TPCN1: variants seen among roughly 807,000 people sequenced by gnomAD.
TPCN1 encodes the protein two pore channel protein 1.
Under a neutral mutation model 108.8 loss-of-function variants are expected in TPCN1, and 52 were observed. The observed-to-expected ratio is 0.48, with a 90% CI of 0.38 to 0.60. TPCN1 has a LOEUF of 0.60. Ranked by LOEUF, TPCN1 falls within the 20% of genes least tolerant of loss-of-function variation. TPCN1 has a pLI of 0.00. For synonymous variants in TPCN1, 446 were observed against 433.7 expected, an observed-to-expected ratio of 1.03 and a Z score of -0.35; for missense variants, 806 against 1,072.8, an observed-to-expected ratio of 0.75 and a Z score of 3.47.
At chr12:113,292,559 G>A in intron 25 of TPCN1, 1 of 208,006 alleles carries the variant, frequency 4.8e-6, no homozygotes, top group Non-Finnish European at 9.7e-6. Flanking sequence ...TCACACCACT[G>A]CACTCCAGCC....
At chr12:113,295,773 T>G (rs529957422) in intron 27 of TPCN1, among the ~76,000 whole-genome samples, 187 bp from the exon 28 acceptor site, 130 of 152,312 alleles carry the variant, frequency 8.5e-4, no homozygotes, top group African/African-American at 3.0e-3. Context: ...TTGTCATTTT[T>G]GCCTCTGGGG....
In TPCN1 at chr12:113,297,103, T is replaced by C. The variant is rs1328907930; in HGVS notation, c.*1027T>C. The C allele has an allele frequency of 6.6e-6, 1 of 152,304 alleles. No homozygotes were observed. The highest frequency in any genetic ancestry group is 1.5e-5 in the Non-Finnish European group (1 of 68,046). 9.4% of individuals were successfully genotyped at this position (152,304 alleles called of 1,614,324 possible). ...GCTCTGCTCACACCAGAGATTTCCATAGCAGGAGCGGTTGGTGCAGAAGTA... is the reference window on the plus strand; with the variant it reads ...GCTCTGCTCACACCAGAGATTTCCACAGCAGGAGCGGTTGGTGCAGAAGTA... On this transcript the variant is annotated 3_prime_UTR_variant, in exon 28 of 28. Coordinates refer to ENST00000335509, the MANE Select transcript of TPCN1 (RefSeq NM_017901.6). This position sits in a 1 kb window ranked among gnomAD's most constrained non-coding sequence, Gnocchi z 4.4.
rs1245040932 is a variant in TPCN1, at chr12:113,266,397, G to T, written c.414+41G>T. On this transcript the variant is annotated intron_variant, in intron 4 of 27. Transcript: ENST00000335509. This position sits in a 1 kb window ranked among gnomAD's most constrained non-coding sequence, Gnocchi z 4.2. Reference sequence around the variant, plus strand: ...CCTCATACGGGGGGCTGGGAGCCACGGCTTTCAGGGCAAGCGATGGAACTC... The same window carrying T: ...CCTCATACGGGGGGCTGGGAGCCACTGCTTTCAGGGCAAGCGATGGAACTC... The T allele has an allele frequency of 6.3e-7, 1 of 1,592,812 alleles. No individual in the cohort carries two copies.
chr12:113,255,609 TC>T (rs1239678275), intron 2 of TPCN1, among the ~76,000 whole-genome samples: 1 of 151,522 alleles, frequency 6.6e-6, no homozygotes, highest in African/African-American at 2.4e-5. Context: ...CACCGCAACC[TC>T]CACCTCCTGG....
Position 113,288,714 on chromosome 12 carries a change from C to G in TPCN1, c.1707-44C>G, listed in dbSNP as rs768016973. 2 of 1,605,292 alleles carry G rather than the reference C, an allele frequency of 1.2e-6. No individual in the cohort carries two copies. The highest frequency in any genetic ancestry group is 1.1e-5 in the South Asian group (1 of 90,928). On this transcript the variant is annotated intron_variant, in intron 20 of 27. Coordinates refer to ENST00000335509, the MANE Select transcript of TPCN1 (RefSeq NM_017901.6). This position sits in a 1 kb window ranked among gnomAD's most constrained non-coding sequence, Gnocchi z 4.8. Reference sequence around the variant, plus strand: ...AGGCCGGGGCTGCAGAGGAGCCGTTCCCTCCTGCCGGCCCCGCGTCACCCT... The same window carrying G: ...AGGCCGGGGCTGCAGAGGAGCCGTTGCCTCCTGCCGGCCCCGCGTCACCCT...
At chr12:113,275,310 T>A (rs1955633916) in intron 10 of TPCN1, among the ~76,000 whole-genome samples, 1 of 152,188 alleles carries the variant, frequency 6.6e-6, no homozygotes, top group Non-Finnish European at 1.5e-5. Flanking sequence ...CAATCTCAGC[T>A]CACTGCAACC....
Position 113,293,070 on chromosome 12 carries a change from C to A in TPCN1, c.2250C>A (p.Tyr750Ter). 1 of 1,611,288 alleles carries A rather than the reference C, an allele frequency of 6.2e-7. No homozygotes were observed. The highest frequency in any genetic ancestry group is 1.1e-5 in the South Asian group (1 of 90,898). ...LLETLSQMERYQQHSMVFLGR... is the reference protein window; with the variant it reads ...LLETLSQMER ...AGACCCTCTCCCAGATGGAGAGATA[C>A]CAGGTGAGGAGCCCAGGCCCTGGTC... The change falls in exon 26 of 28, where the codon TAC becomes TAA. Residue 750 changes from tyrosine to a stop codon, truncating the protein, a stop_gained. Transcript: ENST00000335509. LOFTEE classifies it high-confidence loss of function.
At position 113,262,408 on chromosome 12, in the gene TPCN1, TAA is replaced by T. The variant is rs556927143; in HGVS notation, c.237+1934_237+1935del. On this transcript the variant is annotated intron_variant, in intron 3 of 27. Transcript: ENST00000335509. ...CTGGGTGACAAAATGAGACCCTGTCTAAAAAAAAAAAAAAAAAAAGATTTAAT... is the reference window on the plus strand; with the variant it reads ...CTGGGTGACAAAATGAGACCCTGTCTAAAAAAAAAAAAAAAAAGATTTAAT... Among the ~76,000 whole-genome samples the T allele has an allele frequency of 1.1e-3, 112 of 102,660 alleles. 1 individual carries two copies. The highest frequency in any genetic ancestry group is 3.3e-3 in the South Asian group (11 of 3,326). The allele number at this position is 102,660 out of a possible 152,430, so 67.3% of individuals were successfully genotyped here. A position where few individuals can be genotyped will look rare whatever the true frequency, so the allele number is the denominator to read the frequency against.
In TPCN1 at chr12:113,269,850, G is replaced by A. The variant is rs1955422246; in HGVS notation, c.748+5G>A. The A allele has an allele frequency of 6.2e-7, 1 of 1,613,596 alleles. No individual in the cohort carries two copies. The highest frequency in any genetic ancestry group is 8.5e-7 in the Non-Finnish European group (1 of 1,179,932). ...TGATCATCTTTGCCATCCTCGGTGA[G>A]TTCCCGCCTCTCAGGCCCAGGTGCG... On this transcript the variant is annotated splice_donor_5th_base_variant and intron_variant, in intron 7 of 27. Transcript: ENST00000335509. This position sits in a 1 kb window ranked among gnomAD's most constrained non-coding sequence, Gnocchi z 5.0.
intron 18 of TPCN1, 151 bp from the exon 19 acceptor site, chr12:113,286,836 G>T (rs1956099584): frequency 3.1e-6 from 2 of 645,182 alleles, no homozygotes; most frequent in African/African-American, 1.8e-5. Flanking sequence ...CCCCAGGGTG[G>T]CAGGAAGTTC....
At chr12:113,270,121 G>A (rs1417996953) in intron 7 of TPCN1, among the ~76,000 whole-genome samples, 8 of 151,964 alleles carry the variant, frequency 5.3e-5, no homozygotes, top group African/African-American at 1.5e-4. Flanking sequence ...GCTTGAACCC[G>A]GGAGGCCAAG....
rs766623325 is a variant in TPCN1, at chr12:113,277,316, G to A, written c.1136G>A (p.Arg379His). 29 of 1,614,010 alleles carry A rather than the reference G, an allele frequency of 1.8e-5. No individual in the cohort carries two copies. Among genetic ancestry groups the A allele is most frequent in the East Asian group, 4.5e-5 (2 of 44,896 alleles). The part of the protein sequence containing the change: ...FYKPRMSARE[R>H]YLTFKALNQN... ...AAGCCCCGGATGAGTGCCAGGGAGCGCTATCTTACCTTCAAGGCCCTGAAT... is the reference window on the plus strand; with the variant it reads ...AAGCCCCGGATGAGTGCCAGGGAGCACTATCTTACCTTCAAGGCCCTGAAT... Residue 379 changes from arginine to histidine, a missense_variant, in exon 12 of 28, where the codon CGC becomes CAC. Transcript: ENST00000335509.
intron 22 of TPCN1, among the ~76,000 whole-genome samples, 171 bp downstream of exon 22, chr12:113,290,414 C>A (rs555273235): frequency 6.6e-6 from 1 of 152,344 alleles, no homozygotes; most frequent in East Asian, 1.9e-4. Context: ...ACAGTCCAGG[C>A]TGGATCCTGG....
Position 113,232,760 on chromosome 12 carries a change from C to T in TPCN1, c.112+5796C>T, listed in dbSNP as rs1162842577. On this transcript the variant is annotated intron_variant, in intron 2 of 27. Coordinates refer to ENST00000335509, the MANE Select transcript of TPCN1 (RefSeq NM_017901.6). The surrounding 1 kb of genome is among the most constrained non-coding windows in gnomAD (Gnocchi z 5.6). Reference sequence around the variant, plus strand: ...TGTGATCACATGGTCAGTGCTCAGCCGGTCATAGGCATTATTATCATGGCA... The same window carrying T: ...TGTGATCACATGGTCAGTGCTCAGCTGGTCATAGGCATTATTATCATGGCA... Among the ~76,000 whole-genome samples the T allele has an allele frequency of 2.0e-5, 3 of 152,156 alleles. No homozygotes were observed. Among genetic ancestry groups the T allele is most frequent in the Non-Finnish European group, 2.9e-5 (2 of 68,036 alleles).
Position 113,266,197 on chromosome 12 carries a change from C to T in TPCN1, c.255C>T (p.Asp85=). 6.2e-7 allele frequency: 1 copy of T among 1,614,180 alleles called. No homozygotes were observed. Among genetic ancestry groups the T allele is most frequent in the Non-Finnish European group, 8.5e-7 (1 of 1,180,028 alleles). ...CTTTTCAGGAAGGCGAGAACAACGACAAGTTCTTCACCCACCCCAAGGATG... is the reference window on the plus strand; with the variant it reads ...CTTTTCAGGAAGGCGAGAACAACGATAAGTTCTTCACCCACCCCAAGGATG... ...AIYLQEGENN[D]KFFTHPKDAK... is the part of the protein sequence containing the mutation. The change falls in exon 4 of 28, where the codon GAC becomes GAT. Residue 85 remains aspartate (D), a synonymous_variant. Coordinates refer to ENST00000335509, the MANE Select transcript of TPCN1 (RefSeq NM_017901.6). The surrounding 1 kb of genome is among the most constrained non-coding windows in gnomAD (Gnocchi z 4.2).
intron 2 of TPCN1, among the ~76,000 whole-genome samples, chr12:113,252,097 T>TTGTGG (rs1954658665): frequency 6.6e-6 from 1 of 152,114 alleles, no homozygotes; most frequent in African/African-American, 2.4e-5. Flanking sequence ...AGCTTGGTCC[T>TTGTGG]TCCTGTCTCA....
chr12:113,242,165 G>A (rs1264888565), intron 2 of TPCN1, among the ~76,000 whole-genome samples: 1 of 152,268 alleles, frequency 6.6e-6, no homozygotes, highest in Non-Finnish European at 1.5e-5. Context: ...TCACGAATGT[G>A]AGCTGGCCAC....
At chr12:113,295,566 C>A (rs765322816) in intron 27 of TPCN1, among the ~76,000 whole-genome samples, 97 of 151,766 alleles carry the variant, frequency 6.4e-4, no homozygotes, top group Non-Finnish European at 1.0e-3. Context: ...GTATTCAGCA[C>A]AATACAGCTC....
intron 3 of TPCN1, among the ~76,000 whole-genome samples, chr12:113,263,570 C>T (rs1345826403): frequency 6.6e-6 from 1 of 152,224 alleles, no homozygotes; most frequent in South Asian, 2.1e-4. Flanking sequence ...TCAAGATGGC[C>T]TGCCTTTTCA....
Sources: allele counts gnomAD v4.1 joint callset (sites outside exome capture counted in the v4.1 genomes callset), GRCh38; gene constraint gnomAD v4.1.1; non-coding constraint Gnocchi (gnomAD v3.1); transcripts MANE v1.5; gene names NCBI Gene and HGNC (gene_info 2026-07-23, HGNC 2026-07-21).